The following SORT1 variants were observed in gnomAD, a reference collection of about 807,000 sequenced individuals.
SORT1 encodes sortilin.
A neutral mutation model predicts 101.7 loss-of-function variants in SORT1; 39 were observed. The observed-to-expected ratio is 0.38, with a 90% CI of 0.30 to 0.50. The LOEUF is 0.50. SORT1 is among the 20% of genes least tolerant of loss of function. The pLI, the probability that SORT1 is intolerant of heterozygous loss-of-function variation, is 0.90. For synonymous variants in SORT1, 396 were observed against 393.7 expected (o/e 1.01, Z -0.07); for missense variants, 878 against 1,040.4 (o/e 0.84, Z 2.15).
intron 11 of SORT1, among the ~76,000 whole-genome samples, chr1:109,329,398 C>T (rs533173523): frequency 4.5e-4 from 69 of 152,168 alleles, no homozygotes; most frequent in African/African-American, 1.6e-3. Context: ...GGACTACAGG[C>T]GCCTGCCACC....
At chr1:109,321,856 C>A (rs1647654323) in intron 15 of SORT1, among the ~76,000 whole-genome samples, 1 of 152,136 alleles carries the variant, frequency 6.6e-6, no homozygotes, top group Non-Finnish European at 1.5e-5. Context: ...TATCCAGGGA[C>A]TCATGCCCTT....
At chr1:109,336,450 A>C (rs1180800746) in intron 10 of SORT1, 104 bp from the exon 11 acceptor site, 19 of 738,396 alleles carry the variant, frequency 2.6e-5, no homozygotes, top group Non-Finnish European at 4.6e-5. Context: ...TAGCACCTGG[A>C]GTCCGACAAG....
intron 1 of SORT1, among the ~76,000 whole-genome samples, chr1:109,396,548 G>C (rs142379029): frequency 6.6e-6 from 1 of 152,278 alleles, no homozygotes; most frequent in African/African-American, 2.4e-5. Context: ...CCTCAGATCA[G>C]AGAATTCTAT....
chr1:109,331,921 C>A (rs1648481289), intron 11 of SORT1, among the ~76,000 whole-genome samples: 2 of 130,148 alleles, frequency 1.5e-5, no homozygotes, highest in African/African-American at 2.9e-5. Context: ...ATTTCATCTA[C>A]AATAGTACAA....
intron 1 of SORT1, among the ~76,000 whole-genome samples, chr1:109,380,318 G>A (rs796220647): frequency 7.2e-5 from 11 of 152,010 alleles, no homozygotes; most frequent in South Asian, 2.1e-4. Flanking sequence ...AAGTATAAGC[G>A]AATATTTTTA....
At chr1:109,372,088 A>G (rs1398381365) in intron 1 of SORT1, among the ~76,000 whole-genome samples, 1 of 152,186 alleles carries the variant, frequency 6.6e-6, no homozygotes, top group Non-Finnish European at 1.5e-5. Flanking sequence ...CTGCCACTTC[A>G]ATGGGAGAAA....
intron 6 of SORT1, among the ~76,000 whole-genome samples, chr1:109,350,156 G>A (rs1210561200): frequency 3.3e-5 from 5 of 152,138 alleles, no homozygotes; most frequent in Admixed American, 3.3e-4. Flanking sequence ...GCTATAAACT[G>A]GGATTCACAA....
At chr1:109,325,388 C>T (rs1032614754) in intron 13 of SORT1, among the ~76,000 whole-genome samples, 5 of 151,696 alleles carry the variant, frequency 3.3e-5, no homozygotes, top group Non-Finnish European at 7.4e-5. Flanking sequence ...ATTACAGGAA[C>T]GTGCCACCAC....
intron 14 of SORT1, among the ~76,000 whole-genome samples, chr1:109,323,405 A>G (rs181276889): frequency 7.2e-5 from 11 of 152,334 alleles, no homozygotes; most frequent in African/African-American, 2.4e-4. Context: ...AAATCTCTCA[A>G]GTTCCTTCCA....
At chr1:109,317,245 T>A (rs938411961) in intron 16 of SORT1, among the ~76,000 whole-genome samples, 18 of 151,912 alleles carry the variant, frequency 1.2e-4, no homozygotes, top group African/African-American at 4.4e-4. Context: ...CATTAACAAG[T>A]GGTACAAAAT....
chr1:109,379,591 A>C (rs1000629509), intron 1 of SORT1, among the ~76,000 whole-genome samples: 1 of 152,256 alleles, frequency 6.6e-6, no homozygotes, highest in Non-Finnish European at 1.5e-5. Flanking sequence ...GAGCAAATAC[A>C]GTCATTCAGA....
intron 15 of SORT1, among the ~76,000 whole-genome samples, chr1:109,320,951 A>T (rs1312880792): frequency 3.9e-5 from 6 of 152,004 alleles, no homozygotes; most frequent in Non-Finnish European, 8.8e-5. Context: ...TACCCTTCTC[A>T]CTCATAAAGG....
At chr1:109,389,028 C>A (rs1652744401) in intron 1 of SORT1, among the ~76,000 whole-genome samples, 1 of 152,214 alleles carries the variant, frequency 6.6e-6, no homozygotes, top group African/African-American at 2.4e-5. Flanking sequence ...GCCTGTCATC[C>A]AACTCTGCCA....
At position 109,324,931 on chromosome 1, in the gene SORT1, G is replaced by C. The variant is rs1283867547; in HGVS notation, c.1802C>G (p.Thr601Ser). 6.2e-7 allele frequency: 1 copy of C among 1,613,030 alleles called. No individual in the cohort carries two copies. The highest frequency in any genetic ancestry group is 1.7e-5 in the Admixed American group (1 of 59,970). ...TTCAAGGATATCTTTAAAATCAATG[G>C]TGTAGGAGACCCACTGGCTGGTCAG... ...SFLTSQWVSY[T>S]IDFKDILERN... Residue 601 changes from threonine (T) to serine (S), a missense_variant, in exon 14 of 20, where the codon ACC becomes AGC. Transcript: ENST00000256637.
chr1:109,310,005 T>A lies in SORT1; in HGVS notation c.*4038A>T, dbSNP rs754150720. 11 of 152,374 alleles carry A rather than the reference T, an allele frequency of 7.2e-5. No homozygotes were observed. Among genetic ancestry groups the A allele is most frequent in the Non-Finnish European group, 1.3e-4 (9 of 68,008 alleles). 9.4% of individuals were successfully genotyped at this position (152,374 alleles called of 1,614,324 possible). ...GATAAGGAGAGTATGACCAAAACCC[T>A]CCTCCCTAGAGGTCCAAACACAGGA... On this transcript the variant is annotated 3_prime_UTR_variant, in exon 20 of 20. Transcript: ENST00000256637.
chr1:109,350,791 C>A (rs1649908931), intron 6 of SORT1, 138 bp downstream of exon 6: 1 of 672,088 alleles, frequency 1.5e-6, no homozygotes, highest in Admixed American at 2.3e-5. Flanking sequence ...CTGTGTCACA[C>A]CCCTCTCCAA....
chr1:109,310,613 C>A lies in SORT1; in HGVS notation c.*3430G>T, dbSNP rs1658667493. The stretch of plus-strand genomic sequence containing the variant: ...TCCTATTTTAGCACTTCCAAGTATC[C>A]TGGATGAATATAGGGGCGAGGGGCT... On this transcript the variant is annotated 3_prime_UTR_variant, in exon 20 of 20. Coordinates refer to ENST00000256637, the MANE Select transcript of SORT1 (RefSeq NM_002959.7). The A allele has an allele frequency of 1.3e-5, 2 of 153,362 alleles. No individual in the cohort carries two copies. The highest frequency in any genetic ancestry group is 2.4e-5 in the African/African-American group (1 of 41,450). 9.5% of individuals were successfully genotyped at this position (153,362 alleles called of 1,614,324 possible). A position where few individuals can be genotyped will look rare whatever the true frequency, so the allele number is the denominator to read the frequency against.
chr1:109,360,134 G>T (rs554153854), intron 3 of SORT1, among the ~76,000 whole-genome samples: 1 of 151,880 alleles, frequency 6.6e-6, no homozygotes, highest in African/African-American at 2.4e-5. Flanking sequence ...CTCCCACCTC[G>T]GCCTCCCAAA....
At position 109,316,958 on chromosome 1, in the gene SORT1, C is replaced by T. The variant is rs150416069; in HGVS notation, c.2142G>A (p.Gly714=). ...YGREEHLTTN[G]YRKIPGDKCQ... ...ATTTGTCCCCTGGAATTTTCCGGTA[C>T]CTACCAGGCAAAGAAGATTTGGTAA... Residue 714 remains glycine, a splice_region_variant and synonymous_variant, in exon 17 of 20, where the codon GGG becomes GGA. Transcript: ENST00000256637. 270 of 1,583,646 alleles carry T rather than the reference C, an allele frequency of 1.7e-4. 3 individuals carry two copies. The East Asian group carries it at 1.9e-3, about 11-fold the overall frequency.
Sources: allele counts gnomAD v4.1 joint callset (sites outside exome capture counted in the v4.1 genomes callset), GRCh38; gene constraint gnomAD v4.1.1; transcripts MANE v1.5; gene names NCBI Gene and HGNC (gene_info 2026-07-23, HGNC 2026-07-21).